The following SNTB1 variants were observed in gnomAD, a reference collection of about 807,000 sequenced individuals.
SNTB1 encodes the protein beta-1-syntrophin.
SNTB1 carries 36 observed loss-of-function variants against 48.9 expected under a neutral mutation model. The observed-to-expected ratio is 0.74, with a 90% CI of 0.56 to 0.97. The LOEUF is 0.97. Among genes scored for constraint, SNTB1 ranks in the 50% least tolerant of loss-of-function variants. The pLI is 0.00. For synonymous variants in SNTB1, 299 were observed against 294.6 expected, an observed-to-expected ratio of 1.01 and a Z score of -0.15; for missense variants, 786 against 703.4, an observed-to-expected ratio of 1.12 and a Z score of -1.33.
intron 4 of SNTB1, among the ~76,000 whole-genome samples, chr8:120,573,510 T>A (rs1815892173): frequency 6.6e-6 from 1 of 152,182 alleles, no homozygotes; most frequent in Non-Finnish European, 1.5e-5. Flanking sequence ...ATTGTTTCCT[T>A]TGCTATGCAG....
At chr8:120,759,256 C>T (rs1222674864) in intron 1 of SNTB1, among the ~76,000 whole-genome samples, 2 of 152,162 alleles carry the variant, frequency 1.3e-5, no homozygotes, top group East Asian at 3.9e-4. Flanking sequence ...TTTATCTTTC[C>T]TTTTACTTGA....
chr8:120,604,016 C>G (rs775933312), intron 3 of SNTB1, among the ~76,000 whole-genome samples: 1 of 152,028 alleles, frequency 6.6e-6, no homozygotes, highest in Middle Eastern at 3.2e-3. Context: ...GGTTCCATAC[C>G]CAGGTGTCTG....
chr8:120,630,889 C>A (rs1196584413), intron 3 of SNTB1, among the ~76,000 whole-genome samples: 1 of 152,104 alleles, frequency 6.6e-6, no homozygotes, highest in African/African-American at 2.4e-5. Flanking sequence ...GCAAAGAAAA[C>A]ATAAGCCTGG....
At chr8:120,561,649 A>G (rs538846800) in intron 4 of SNTB1, among the ~76,000 whole-genome samples, 2 of 152,334 alleles carry the variant, frequency 1.3e-5, no homozygotes, top group African/African-American at 4.8e-5. Context: ...TTGTGTGTGT[A>G]GAATACACAG....
At chr8:120,702,634 T>A (rs1818325737) in intron 1 of SNTB1, among the ~76,000 whole-genome samples, 1 of 151,768 alleles carries the variant, frequency 6.6e-6, no homozygotes, top group Admixed American at 6.5e-5. Flanking sequence ...AACATCGTGA[T>A]GATGGCTTAT....
chr8:120,642,061 G>C (rs1263348313), intron 2 of SNTB1, among the ~76,000 whole-genome samples: 1 of 152,142 alleles, frequency 6.6e-6, no homozygotes, highest in Non-Finnish European at 1.5e-5. Context: ...AGGAACTCTG[G>C]GGGTGGGGTC....
At chr8:120,697,701 CGTACCATG>C (rs1192974020) in intron 1 of SNTB1, among the ~76,000 whole-genome samples, 3 of 152,126 alleles carry the variant, frequency 2.0e-5, no homozygotes, top group African/African-American at 7.2e-5. Flanking sequence ...AAGGAAACAA[CGTACCATG>C]TGCAAGAACC....
At chr8:120,763,602 G>T (rs147654572) in intron 1 of SNTB1, among the ~76,000 whole-genome samples, 11 of 152,188 alleles carry the variant, frequency 7.2e-5, no homozygotes, top group African/African-American at 2.4e-4. Flanking sequence ...AATTTTTTCT[G>T]CATGAAAAAT....
intron 3 of SNTB1, among the ~76,000 whole-genome samples, chr8:120,626,082 T>C (rs746905416): frequency 6.6e-6 from 1 of 152,170 alleles, no homozygotes; most frequent in Non-Finnish European, 1.5e-5. Context: ...GTGGGCAATG[T>C]AGCTAGAGAA....
intron 1 of SNTB1, among the ~76,000 whole-genome samples, chr8:120,803,745 C>T (rs1380013315): frequency 2.2e-4 from 34 of 152,096 alleles, no homozygotes; most frequent in African/African-American, 4.8e-5. Context: ...ACCAGCTTCA[C>T]GGAAGGAAAA....
chr8:120,542,465 C>A (rs910243179), intron 5 of SNTB1, among the ~76,000 whole-genome samples: 1 of 152,110 alleles, frequency 6.6e-6, no homozygotes, highest in African/African-American at 2.4e-5. Flanking sequence ...ACCAGCCTGG[C>A]CAATATGGTG....
intron 3 of SNTB1, among the ~76,000 whole-genome samples, chr8:120,613,957 T>G (rs1241694584): frequency 6.6e-6 from 1 of 152,206 alleles, no homozygotes; most frequent in Non-Finnish European, 1.5e-5. Context: ...CTAAAGTTTA[T>G]GCAGTGCTTT....
intron 1 of SNTB1, among the ~76,000 whole-genome samples, chr8:120,748,134 G>A (rs2130024597): frequency 6.6e-6 from 1 of 152,208 alleles, no homozygotes; most frequent in East Asian, 1.9e-4. Context: ...TTTCTCTTGT[G>A]CAACCAGGCA....
chr8:120,648,669 A>G (rs1353592162), intron 2 of SNTB1, among the ~76,000 whole-genome samples: 1 of 151,536 alleles, frequency 6.6e-6, no homozygotes, highest in Admixed American at 6.6e-5. Context: ...CTCGAGGAGT[A>G]TCTTTGTGGC....
chr8:120,553,562 A>G (rs191604634), intron 4 of SNTB1, among the ~76,000 whole-genome samples: 180 of 152,352 alleles, frequency 1.2e-3, no homozygotes, highest in Non-Finnish European at 2.2e-3. Flanking sequence ...CTATGTGTAA[A>G]TGTGGGAAAA....
intron 4 of SNTB1, among the ~76,000 whole-genome samples, chr8:120,568,195 A>G (rs1027160091): frequency 9.2e-5 from 14 of 152,182 alleles, no homozygotes; most frequent in Non-Finnish European, 1.5e-5. Flanking sequence ...CAACAGCATC[A>G]GCCCAGCTTC....
intron 2 of SNTB1, among the ~76,000 whole-genome samples, chr8:120,651,877 A>C (rs1472042690): frequency 6.6e-6 from 1 of 152,244 alleles, no homozygotes; most frequent in Non-Finnish European, 1.5e-5. Context: ...CGGACAGAAC[A>C]GTGAGAATAA....
intron 1 of SNTB1, among the ~76,000 whole-genome samples, chr8:120,695,314 T>C (rs11776321): frequency 0.014 from 2,132 of 152,272 alleles, 14 homozygotes; most frequent in Middle Eastern, 0.079. Context: ...AGATGAACAA[T>C]ACACTCCAAA....
At chr8:120,806,966 G>C (rs1350785521) in intron 1 of SNTB1, among the ~76,000 whole-genome samples, 4 of 152,134 alleles carry the variant, frequency 2.6e-5, no homozygotes, top group African/African-American at 9.7e-5. Flanking sequence ...TGACAGCGAG[G>C]TTCCAGACCA....
Sources: allele counts gnomAD v4.1 joint callset (sites outside exome capture counted in the v4.1 genomes callset), GRCh38; gene constraint gnomAD v4.1.1; transcripts MANE v1.5; gene names NCBI Gene and HGNC (gene_info 2026-07-23, HGNC 2026-07-21).